The following SUGCT variants were observed in gnomAD, a reference collection of about 807,000 sequenced individuals.
The protein encoded by SUGCT is succinyl-CoA:glutarate-CoA transferase.
A neutral mutation model predicts 55.0 loss-of-function variants in SUGCT; 41 were observed. The ratio of observed to expected loss-of-function variants is 0.74; its 90% confidence interval spans 0.58 to 0.97. The LOEUF is 0.97. Among genes scored for constraint, SUGCT ranks in the 50% least tolerant of loss-of-function variants. The pLI is 0.00. For missense variants in SUGCT, 568 were observed against 547.8 expected, an observed-to-expected ratio of 1.04 and a Z score of -0.37; for synonymous variants, 187 against 200.4, an observed-to-expected ratio of 0.93 and a Z score of 0.56.
chr7:40,233,659 C>A (rs114199474), intron 6 of SUGCT, among the ~76,000 whole-genome samples: 1 of 152,118 alleles, frequency 6.6e-6, no homozygotes, highest in African/African-American at 2.4e-5. Context: ...GGGTAGTTTT[C>A]TTTTTGTTAT....
chr7:40,505,894 A>T (rs531511588), intron 12 of SUGCT, among the ~76,000 whole-genome samples: 1 of 152,050 alleles, frequency 6.6e-6, no homozygotes, highest in South Asian at 2.1e-4. Flanking sequence ...TCTTATTTCC[A>T]TATAGCTTTT....
intron 12 of SUGCT, among the ~76,000 whole-genome samples, chr7:40,565,762 C>T (rs1796098886): frequency 6.6e-6 from 1 of 152,098 alleles, no homozygotes; most frequent in African/African-American, 2.4e-5. Flanking sequence ...CTTTGATGTT[C>T]TCTAGCACAC....
the SUGCT span, among the ~76,000 whole-genome samples, chr7:40,940,959 G>A: frequency 4.6e-5 from 7 of 151,952 alleles, no homozygotes; most frequent in Non-Finnish European, 1.0e-4. Flanking sequence ...CAGTTCTTAG[G>A]GGAAATGCCT....
intron 1 of SUGCT, among the ~76,000 whole-genome samples, chr7:40,147,346 T>C (rs1368220692): frequency 2.0e-5 from 3 of 152,180 alleles, no homozygotes; most frequent in African/African-American, 4.8e-5. Context: ...TCTCACCTCT[T>C]TCTGAGGTTC....
At chr7:40,779,351 A>G (rs1326260143) in intron 13 of SUGCT, among the ~76,000 whole-genome samples, 1 of 152,204 alleles carries the variant, frequency 6.6e-6, no homozygotes, top group Admixed American at 6.5e-5. Context: ...GCTTGTGTAC[A>G]TACTGCATTG....
At chr7:40,359,227 A>G (rs1240695787) in intron 9 of SUGCT, among the ~76,000 whole-genome samples, 5 of 152,078 alleles carry the variant, frequency 3.3e-5, no homozygotes. Context: ...TTTTTGAGAC[A>G]GAGTTTTGCT....
At chr7:40,150,044 G>C (rs1422545394) in intron 1 of SUGCT, among the ~76,000 whole-genome samples, 1 of 148,796 alleles carries the variant, frequency 6.7e-6, no homozygotes, top group South Asian at 2.2e-4. Context: ...AGTGAGCCAA[G>C]ATCACGCCAC....
At chr7:40,241,866 G>C (rs1436410334) in intron 7 of SUGCT, among the ~76,000 whole-genome samples, 1 of 148,260 alleles carries the variant, frequency 6.7e-6, no homozygotes, top group African/African-American at 2.5e-5. Context: ...GTTGCAGTGA[G>C]CTGAGATCAC....
intron 13 of SUGCT, among the ~76,000 whole-genome samples, chr7:40,787,043 G>A (rs759713038): frequency 5.3e-5 from 8 of 152,038 alleles, no homozygotes; most frequent in South Asian, 2.1e-4. Context: ...TCAGTCCTCC[G>A]CTGTCAGAAT....
At chr7:40,545,746 AC>A (rs1270812430) in intron 12 of SUGCT, among the ~76,000 whole-genome samples, 2 of 152,208 alleles carry the variant, frequency 1.3e-5, no homozygotes, top group Admixed American at 1.3e-4. Context: ...TTTGATTTTT[AC>A]AGTTATATAG....
At chr7:40,905,728 T>G in the SUGCT span, among the ~76,000 whole-genome samples, 2 of 151,882 alleles carry the variant, frequency 1.3e-5, no homozygotes, top group African/African-American at 2.4e-5. Flanking sequence ...TTTTTTTTTT[T>G]CTTTAGAGGC....
intron 12 of SUGCT, among the ~76,000 whole-genome samples, chr7:40,607,589 C>G (rs1470143464): frequency 6.6e-6 from 1 of 152,148 alleles, no homozygotes; most frequent in African/African-American, 2.4e-5. Context: ...GAGCTCAGTT[C>G]AATTAGTAAA....
At chr7:40,310,146 C>T (rs868085672) in intron 8 of SUGCT, among the ~76,000 whole-genome samples, 1 of 152,130 alleles carries the variant, frequency 6.6e-6, no homozygotes, top group African/African-American at 2.4e-5. Flanking sequence ...CTACCTCAGC[C>T]AGGTGATCAA....
At chr7:40,674,655 T>G (rs1415308810) in intron 12 of SUGCT, among the ~76,000 whole-genome samples, 1 of 152,056 alleles carries the variant, frequency 6.6e-6, no homozygotes, top group Non-Finnish European at 1.5e-5. Flanking sequence ...TAAAAATAAA[T>G]TGGGAAATGT....
the SUGCT span, among the ~76,000 whole-genome samples, chr7:40,947,878 A>G: frequency 6.6e-6 from 1 of 152,144 alleles, no homozygotes; most frequent in East Asian, 1.9e-4. Context: ...ACCTTCACTT[A>G]TTGTTTGTGC....
intron 13 of SUGCT, among the ~76,000 whole-genome samples, chr7:40,827,422 CTGCTGGGGTCAG>C (rs1269313835): frequency 6.6e-6 from 1 of 152,060 alleles, no homozygotes; most frequent in African/African-American, 2.4e-5. Flanking sequence ...AGCAAAGAGG[CTGCTGGGGTCAG>C]AAGCAAGGGA....
the SUGCT span, among the ~76,000 whole-genome samples, chr7:40,937,377 G>C: frequency 6.6e-6 from 1 of 152,126 alleles, no homozygotes; most frequent in Admixed American, 6.6e-5. Flanking sequence ...CACCTTGTTG[G>C]CTAGGCTGGT....
At chr7:40,670,023 G>GA (rs1801854464) in intron 12 of SUGCT, among the ~76,000 whole-genome samples, 1 of 151,138 alleles carries the variant, frequency 6.6e-6, no homozygotes. Flanking sequence ...TAAAGACACA[G>GA]AAAAAAATAT....
intron 13 of SUGCT, among the ~76,000 whole-genome samples, chr7:40,856,188 A>G (rs1362033688): frequency 2.0e-5 from 3 of 152,204 alleles, no homozygotes; most frequent in Non-Finnish European, 2.9e-5. Flanking sequence ...GATCTCATCC[A>G]TGTGGGCTGT....
Sources: gnomAD v4.1 joint callset for allele counts (sites outside exome capture counted in the v4.1 genomes callset) on GRCh38, gnomAD v4.1.1 for gene constraint, MANE v1.5 for transcripts, NCBI Gene and HGNC (gene_info 2026-07-23, HGNC 2026-07-21) for gene names.